The following CEP290 variants were observed in gnomAD, a reference collection of about 807,000 sequenced individuals.
CEP290 encodes the protein centrosomal protein 290, also known as centrosomal protein of 290 kDa.
CEP290 carries 317 observed loss-of-function variants against 344.9 expected under a neutral mutation model. The observed-to-expected ratio is 0.92, with a 90% confidence interval of 0.84 to 1.01. The LOEUF (loss-of-function observed/expected upper bound fraction) is 1.01. Ranked by LOEUF, CEP290 falls within the 50% of genes least tolerant of loss-of-function variation. The probability of loss-of-function intolerance (pLI) is 0.00; values close to 1 mark genes in which losing one functional copy is unlikely to be tolerated. For missense variants in CEP290, 2,754 were observed against 2,761.4 expected (o/e 1.00, Z 0.06); for synonymous variants, 932 against 895.8 (o/e 1.04, Z -0.72).
intron 26 of CEP290, among the ~76,000 whole-genome samples, chr12:88,099,130 T>G (rs2037682654): frequency 6.6e-6 from 1 of 151,908 alleles, no homozygotes; most frequent in Non-Finnish European, 1.5e-5. Context: ...TCCAGATGAG[T>G]GATGATGCTG....
At chr12:88,136,867 T>C (rs904522596) in intron 5 of CEP290, 81 bp from the exon 6 acceptor site, 13 of 1,251,972 alleles carry the variant, frequency 1.0e-5, no homozygotes, top group South Asian at 6.4e-5. Flanking sequence ...CAAATAATTA[T>C]GCTGAATTTA....
intron 13 of CEP290, 67 bp from the exon 14 acceptor site, chr12:88,121,233 C>A: frequency 8.2e-7 from 1 of 1,214,462 alleles, no homozygotes; most frequent in Non-Finnish European, 1.2e-6. Context: ...GTGATCCCAA[C>A]ATGGTGGCAA....
At position 88,136,905 on chromosome 12, in the gene CEP290, T is replaced by G. The variant is rs2040383487; in HGVS notation, c.298-119A>C. On this transcript the variant is annotated intron_variant, in intron 5 of 53. Coordinates refer to ENST00000552810, the MANE Select transcript of CEP290 (RefSeq NM_025114.4). Reference sequence around the variant, plus strand: ...TTTGCATTATACTTCAGTGCAGATATTTAAAATCATATTAGCTTAAGAACT... The same window carrying G: ...TTTGCATTATACTTCAGTGCAGATAGTTAAAATCATATTAGCTTAAGAACT... 6 of 901,358 alleles carry G rather than the reference T, an allele frequency of 6.7e-6. No homozygotes were observed. The East Asian group carries it at 1.3e-4, about 20-fold the overall frequency. 55.8% of individuals were successfully genotyped at this position (901,358 alleles called of 1,614,324 possible).
chr12:88,090,074 G>T lies in CEP290; in HGVS notation c.3574-587C>A, dbSNP rs1056577619. Among the ~76,000 whole-genome samples, 123 of 152,134 alleles carry T rather than the reference G, an allele frequency of 8.1e-4. 1 individual carries two copies. The highest frequency in any genetic ancestry group is 2.9e-3 in the African/African-American group (119 of 41,516). ...TTGCAAGTAACATAATACTGATCAG[G>T]ACAATGTGTATGTTTTTATAATTCC... On this transcript the variant is annotated intron_variant, in intron 30 of 53. Transcript: ENST00000552810.
intron 23 of CEP290, among the ~76,000 whole-genome samples, chr12:88,108,636 T>C (rs2038458010): frequency 6.6e-6 from 1 of 152,226 alleles, no homozygotes; most frequent in African/African-American, 2.4e-5. Flanking sequence ...ATGATTGTGA[T>C]GATGATGAAT....
intron 29 of CEP290, among the ~76,000 whole-genome samples, chr12:88,092,239 C>A (rs2037109302): frequency 1.3e-5 from 2 of 152,128 alleles, no homozygotes; most frequent in African/African-American, 4.8e-5. Context: ...ATAGTAGATG[C>A]CCGATAAATG....
chr12:88,100,549 T>G (rs2037793431), intron 26 of CEP290, among the ~76,000 whole-genome samples: 1 of 152,190 alleles, frequency 6.6e-6, no homozygotes, highest in Non-Finnish European at 1.5e-5. Flanking sequence ...ATCACTCTCA[T>G]GTATTAGCTT....
intron 27 of CEP290, among the ~76,000 whole-genome samples, chr12:88,096,380 A>G (rs1359164490): frequency 6.6e-6 from 1 of 152,168 alleles, no homozygotes; most frequent in East Asian, 1.9e-4. Context: ...ATCTAAATAC[A>G]GTATAAAACC....
chr12:88,060,228 A>G (rs561723425), intron 47 of CEP290, among the ~76,000 whole-genome samples: 21 of 152,308 alleles, frequency 1.4e-4, no homozygotes, highest in Non-Finnish European at 3.1e-4. Flanking sequence ...AATAACAACA[A>G]CATACATATC....
rs1456594952 is a variant in CEP290 at position 88,092,798 on chromosome 12, T to A, written c.3344A>T (p.Glu1115Val). Reference protein sequence around the residue: ...TKINLDAQKVEQMLRDELADS... With the variant: ...TKINLDAQKVVQMLRDELADS... ...AGCTAATTCATCTCTTAACATCTGTTCCACCTTCTGTGCATCCAAATTGAT... is the reference window on the plus strand; with the variant it reads ...AGCTAATTCATCTCTTAACATCTGTACCACCTTCTGTGCATCCAAATTGAT... Residue 1115 changes from glutamate (E) to valine (V), a missense_variant, in exon 29 of 54, where the codon GAA becomes GTA. By Grantham distance (121) the Glu-to-Val change is moderately radical (BLOSUM62 -2). Transcript: ENST00000552810. The A allele has an allele frequency of 6.2e-7, 1 of 1,610,484 alleles. No individual in the cohort carries two copies. The highest frequency in any genetic ancestry group is 8.5e-7 in the Non-Finnish European group (1 of 1,178,588).
chr12:88,088,004 C>T (rs2036725582), intron 31 of CEP290, 60 bp from the exon 32 acceptor site: 1 of 641,504 alleles, frequency 1.6e-6, no homozygotes, highest in Non-Finnish European at 2.3e-6. Context: ...AACATTCCTC[C>T]ATTGATGATA....
At chr12:88,078,149 A>G (rs2035926082) in intron 39 of CEP290, among the ~76,000 whole-genome samples, 1 of 151,932 alleles carries the variant, frequency 6.6e-6, no homozygotes. Context: ...GTGTAAAGCA[A>G]TTCATCTTCA....
At chr12:88,139,678 T>A in intron 3 of CEP290, 114 bp from the exon 4 acceptor site, 22 of 724,684 alleles carry the variant, frequency 3.0e-5, no homozygotes, top group South Asian at 8.9e-5. Context: ...GGCTGGCACA[T>A]GGAGACGTTC....
Position 88,064,109 on chromosome 12 carries a change from C to G in CEP290, c.6142G>C (p.Gly2048Arg), listed in dbSNP as rs377000187. The G allele has an allele frequency of 2.4e-5, 37 of 1,557,206 alleles. No homozygotes were observed. The African/African-American group carries it at 4.5e-4, about 19-fold the overall frequency. The change falls in exon 45 of 54, where the codon GGA becomes CGA. Residue 2048 changes from glycine (G) to arginine (R), a missense_variant. By Grantham distance (125) the Gly-to-Arg change is moderately radical. Coordinates refer to ENST00000552810, the MANE Select transcript of CEP290 (RefSeq NM_025114.4). ...KDTYSKPSISGIESDDHCQRE... is the reference protein window; with the variant it reads ...KDTYSKPSISRIESDDHCQRE... ...TGACAATGATCATCTGACTCTATTC[C>G]TGAAATCTTCAGGGAAATGAAATTA...
chr12:88,068,805 A>G (rs1478792387), intron 43 of CEP290, among the ~76,000 whole-genome samples, 160 bp from the exon 44 acceptor site: 1 of 152,156 alleles, frequency 6.6e-6, no homozygotes, highest in African/African-American at 2.4e-5. Flanking sequence ...ATAAATTAGG[A>G]TATCAAAATT....
intron 28 of CEP290, 44 bp from the exon 29 acceptor site, chr12:88,092,876 G>C: frequency 6.3e-7 from 1 of 1,583,840 alleles, no homozygotes; most frequent in Non-Finnish European, 8.6e-7. Flanking sequence ...TCAATTTTTG[G>C]TGAGGTTTTC....
At chr12:88,086,232 A>G (rs1256560136) in intron 33 of CEP290, 59 bp from the exon 34 acceptor site, 52 of 1,576,632 alleles carry the variant, frequency 3.3e-5, no homozygotes, top group Non-Finnish European at 4.5e-5. Context: ...GTAACTATTA[A>G]TTTTTACAGC....
intron 22 of CEP290, among the ~76,000 whole-genome samples, chr12:88,110,483 G>C (rs11104739): frequency 2.6e-5 from 4 of 151,810 alleles, no homozygotes; most frequent in Non-Finnish European, 2.9e-5. Context: ...GGCCAAGGCA[G>C]GCGAATCACT....
intron 17 of CEP290, 59 bp from the exon 18 acceptor site, chr12:88,117,204 C>T: frequency 3.9e-6 from 3 of 776,582 alleles, no homozygotes; most frequent in Non-Finnish European, 6.1e-6. Flanking sequence ...ACTATTCCAA[C>T]ACTTTAATTC....
Sources: gnomAD v4.1 joint callset for allele counts (sites outside exome capture counted in the v4.1 genomes callset) on GRCh38, gnomAD v4.1.1 for gene constraint, MANE v1.5 for transcripts, NCBI Gene and HGNC (gene_info 2026-07-23, HGNC 2026-07-21) for gene names.